The following FGD3 variants were observed in gnomAD, a reference collection of about 807,000 sequenced individuals.
FGD3 encodes FYVE, RhoGEF and PH domain containing 3, also known as FYVE, RhoGEF and PH domain-containing protein 3.
In FGD3, 45 loss-of-function variants were observed where a neutral mutation model predicts 71.8. That is an observed-to-expected ratio of 0.63 (90% CI 0.49 to 0.80). The LOEUF is 0.80. Among genes scored for constraint, FGD3 ranks in the 30% least tolerant of loss-of-function variants. The probability of loss-of-function intolerance (pLI) is 0.00; values close to 1 mark genes in which losing one functional copy is unlikely to be tolerated. For missense variants in FGD3, 844 were observed against 951.5 expected (o/e 0.89, Z 1.49); for synonymous variants, 378 against 392.8 (o/e 0.96, Z 0.44).
chr9:92,961,189 G>A (rs905392682), intron 1 of FGD3, among the ~76,000 whole-genome samples: 1 of 152,178 alleles, frequency 6.6e-6, no homozygotes, highest in Admixed American at 6.5e-5. Context: ...GACAAAGCAG[G>A]AGTCCTGGGG....
intron 3 of FGD3, among the ~76,000 whole-genome samples, chr9:92,996,700 G>T (rs1162223633): frequency 6.6e-6 from 1 of 152,190 alleles, no homozygotes; most frequent in Non-Finnish European, 1.5e-5. Flanking sequence ...TGGTTTCAAA[G>T]AACATCTTTA....
At chr9:93,024,761 C>T (rs757679136) in intron 14 of FGD3, among the ~76,000 whole-genome samples, 4 of 152,234 alleles carry the variant, frequency 2.6e-5, no homozygotes, top group Admixed American at 6.5e-5. Flanking sequence ...CCACACAGGG[C>T]GTCTGAGTGT....
chr9:93,006,417 A>G (rs535652226), intron 6 of FGD3, among the ~76,000 whole-genome samples: 1 of 152,340 alleles, frequency 6.6e-6, no homozygotes, highest in Admixed American at 6.5e-5. Flanking sequence ...CCATCGGAAA[A>G]TCGTGGCTCA....
intron 3 of FGD3, among the ~76,000 whole-genome samples, chr9:92,992,338 C>G (rs1337995758): frequency 6.6e-6 from 1 of 152,134 alleles, no homozygotes; most frequent in Non-Finnish European, 1.5e-5. Flanking sequence ...TATAGTTTTA[C>G]ATGTTTTCAA....
intron 15 of FGD3, among the ~76,000 whole-genome samples, chr9:93,031,731 A>T (rs1470854485): frequency 6.6e-6 from 1 of 152,108 alleles, no homozygotes; most frequent in South Asian, 2.1e-4. Context: ...TCAAACTAGA[A>T]TTTCCCAAGG....
rs760768288 is a variant in FGD3, at chr9:92,976,696, C to G, written c.440C>G (p.Ala147Gly). Reference sequence around the variant, plus strand: ...ACCCCCCAGAAGGCTGACAAGGATGCCGGCCTGGCCCAGGTAGGCTTCCCC... The same window carrying G: ...ACCCCCCAGAAGGCTGACAAGGATGGCGGCCTGGCCCAGGTAGGCTTCCCC... The part of the protein sequence containing the change: ...ENTPQKADKD[A>G]GLAQHSGPQK... The change falls in exon 3 of 18, where the codon GCC becomes GGC. Residue 147 changes from alanine to glycine, a missense_variant. Transcript: ENST00000375482. 19 of 1,583,462 alleles carry G rather than the reference C, an allele frequency of 1.2e-5. No homozygotes were observed. In the East Asian group the frequency reaches 4.0e-4, roughly 34 times the overall value.
chr9:93,003,565 C>T lies in FGD3; in HGVS notation c.544-436C>T, dbSNP rs1167557738. Reference sequence around the variant, plus strand: ...TTCTGGATGTTTTTCTGCATAAGTACTTGGGACAGGGTTTGCCACTCATCT... The same window carrying T: ...TTCTGGATGTTTTTCTGCATAAGTATTTGGGACAGGGTTTGCCACTCATCT... On this transcript the variant is annotated intron_variant, in intron 4 of 17. Transcript: ENST00000375482. This position sits in a 1 kb window ranked among gnomAD's most constrained non-coding sequence, Gnocchi z 4.1. 6.6e-6 allele frequency among the ~76,000 whole-genome samples: 1 copy of T among 152,206 alleles called. No individual in the cohort carries two copies. Among genetic ancestry groups the T allele is most frequent in the Non-Finnish European group, 1.5e-5 (1 of 68,034 alleles).
intron 5 of FGD3, 66 bp from the exon 6 acceptor site, chr9:93,005,958 T>G: frequency 6.6e-7 from 1 of 1,513,310 alleles, no homozygotes; most frequent in Non-Finnish European, 8.9e-7. Context: ...GTGGAGTTCA[T>G]GTCCACTAAC....
chr9:93,009,060 C>T (rs1415370418), intron 6 of FGD3, among the ~76,000 whole-genome samples: 1 of 151,770 alleles, frequency 6.6e-6, no homozygotes, highest in Non-Finnish European at 1.5e-5. Flanking sequence ...GTCAGGAGTT[C>T]GAGACCAGCC....
In FGD3 at chr9:92,976,530, T is replaced by A; in HGVS notation, c.274T>A (p.Cys92Ser). The A allele has an allele frequency of 1.2e-6, 2 of 1,612,510 alleles. No individual in the cohort carries two copies. The highest frequency in any genetic ancestry group is 4.5e-5 in the East Asian group (2 of 44,850). Residue 92 changes from cysteine (C) to serine (S), a missense_variant, in exon 3 of 18, where the codon TGC becomes AGC. Physicochemically the swap from Cys to Ser is moderately radical, Grantham distance 112. Transcript: ENST00000375482. ...SSSVAGENFP[C>S]EEGLEAGPSP... is the part of the protein sequence containing the mutation. ...CAGTGTGGCTGGAGAGAACTTTCCCTGCGAGGAGGGCTTGGAGGCTGGCCC... is the reference window on the plus strand; with the variant it reads ...CAGTGTGGCTGGAGAGAACTTTCCCAGCGAGGAGGGCTTGGAGGCTGGCCC...
intron 8 of FGD3, among the ~76,000 whole-genome samples, chr9:93,012,559 C>T (rs34988586): frequency 0.069 from 10,549 of 152,058 alleles, 520 homozygotes; most frequent in Non-Finnish European, 0.1. Context: ...CCGAGGTGGG[C>T]GAATTACTTG....
chr9:93,005,647 A>T (rs558252032), intron 5 of FGD3, among the ~76,000 whole-genome samples: 3 of 152,344 alleles, frequency 2.0e-5, no homozygotes, highest in African/African-American at 7.2e-5. Flanking sequence ...CCAGCATTGG[A>T]TAGAACCATT....
At chr9:93,016,626 G>A (rs564678170) in intron 10 of FGD3, among the ~76,000 whole-genome samples, 9 of 150,226 alleles carry the variant, frequency 6.0e-5, no homozygotes, top group East Asian at 2.0e-4. Context: ...ATGAGCCACC[G>A]CACCCAGCCT....
Position 93,022,885 on chromosome 9 carries a change from C to G in FGD3, c.1557+496C>G, listed in dbSNP as rs536424945. Among the ~76,000 whole-genome samples, 7 of 152,282 alleles carry G rather than the reference C, an allele frequency of 4.6e-5. No homozygotes were observed. The East Asian group carries it at 1.4e-3, about 29-fold the overall frequency. On this transcript the variant is annotated intron_variant, in intron 14 of 17. Transcript: ENST00000375482. ...CCCTGCCTCTCCCCGTCTGTGTTCTCGTGTGCCTTATGGCAGCCAGCCCAC... is the reference window on the plus strand; with the variant it reads ...CCCTGCCTCTCCCCGTCTGTGTTCTGGTGTGCCTTATGGCAGCCAGCCCAC...
intron 1 of FGD3, among the ~76,000 whole-genome samples, chr9:92,948,583 T>A (rs1858898266): frequency 2.0e-5 from 3 of 152,262 alleles, no homozygotes; most frequent in Admixed American, 2.0e-4. Flanking sequence ...CAGTTTGAAG[T>A]GTAAACAATG....
intron 1 of FGD3, among the ~76,000 whole-genome samples, chr9:92,952,602 C>T (rs1391159166): frequency 6.6e-6 from 1 of 151,992 alleles, no homozygotes; most frequent in Non-Finnish European, 1.5e-5. Context: ...AATCCTAAGG[C>T]CCTCCTTAAC....
intron 3 of FGD3, among the ~76,000 whole-genome samples, chr9:92,995,553 A>G (rs1185541876): frequency 2.0e-5 from 3 of 152,206 alleles, no homozygotes; most frequent in African/African-American, 7.2e-5. Context: ...GTTTTATGCC[A>G]GTTTTCAAAG....
At chr9:92,985,976 G>C (rs529386507) in intron 3 of FGD3, among the ~76,000 whole-genome samples, 3 of 152,036 alleles carry the variant, frequency 2.0e-5, no homozygotes, top group Non-Finnish European at 2.9e-5. Context: ...TCATCCTTAG[G>C]GTTCCAGAAT....
intron 8 of FGD3, 59 bp downstream of exon 8, chr9:93,011,331 G>T (rs891861114): frequency 4.4e-6 from 7 of 1,595,092 alleles, no homozygotes; most frequent in Non-Finnish European, 6.0e-6. Context: ...GAGGGCCAGG[G>T]GCCCTTGTGG....
Sources: gnomAD v4.1 joint callset for allele counts (sites outside exome capture counted in the v4.1 genomes callset) on GRCh38, gnomAD v4.1.1 for gene constraint, Gnocchi (gnomAD v3.1) non-coding constraint, MANE v1.5 for transcripts, NCBI Gene and HGNC (gene_info 2026-07-23, HGNC 2026-07-21) for gene names.